Variants in PCNX1 observed in about 807,000 individuals in gnomAD.
The protein encoded by PCNX1 is pecanex 1, also known as pecanex-like protein 1.
Under a neutral mutation model 242.2 loss-of-function variants are expected in PCNX1, and 78 were observed. The ratio of observed to expected loss-of-function variants is 0.32; its 90% CI spans 0.27 to 0.39. The LOEUF (loss-of-function observed/expected upper bound fraction) is 0.39, where lower values mean the gene tolerates loss of function less well. Among genes scored for constraint, PCNX1 ranks in the 10% least tolerant of loss-of-function variants. The pLI is 1.00. For missense variants in PCNX1, 2,581 were observed against 2,856.5 expected (o/e 0.90, Z 2.20); for synonymous variants, 1,024 against 1,032.9 (o/e 0.99, Z 0.17).
chr14:71,073,481 C>T, intron 26 of PCNX1, 64 bp from the exon 27 acceptor site: 2 of 1,447,506 alleles, frequency 1.4e-6, no homozygotes, highest in East Asian at 2.3e-5. Flanking sequence ...CTTATGTGTC[C>T]TTGCATTCAT....
Position 71,028,758 on chromosome 14 carries a change from C to T in PCNX1, c.3525C>T (p.Ala1175=). Residue 1175 remains alanine, a synonymous_variant, in exon 16 of 36, where the codon GCC becomes GCT. Coordinates refer to ENST00000304743, the MANE Select transcript of PCNX1 (RefSeq NM_014982.3). ...YSFICSIVAV[A]LLYGLCYGAL... ...TTATCTGTAGCATTGTTGCAGTAGC[C>T]TTATTGTATGGATTATGTTATGGGG... 1.2e-6 allele frequency: 2 copies of T among 1,606,100 alleles called. No individual in the cohort carries two copies. The highest frequency in any genetic ancestry group is 1.1e-5 in the South Asian group (1 of 90,070).
At chr14:70,974,139 A>G (rs2058622220) in intron 5 of PCNX1, among the ~76,000 whole-genome samples, 1 of 147,110 alleles carries the variant, frequency 6.8e-6, no homozygotes, top group Admixed American at 6.8e-5. Context: ...ATTTCTTTTT[A>G]TGGCTAACTG....
intron 16 of PCNX1, among the ~76,000 whole-genome samples, chr14:71,030,306 C>CT (rs2060346949): frequency 6.6e-6 from 1 of 152,112 alleles, no homozygotes; most frequent in African/African-American, 2.4e-5. Context: ...GTGGACTGCC[C>CT]TTTATGAAAG....
At chr14:71,109,632 T>G (rs1462570596) in intron 35 of PCNX1, 40 bp downstream of exon 35, 2 of 1,611,342 alleles carry the variant, frequency 1.2e-6, no homozygotes, top group African/African-American at 2.7e-5. Context: ...GGCTCTGCCT[T>G]TTTTGAAGTC....
rs752716973 is a variant in PCNX1, at chr14:70,907,913, G to T, written c.63G>T (p.Trp21Cys). The change falls in exon 1 of 36, where the codon TGG (tryptophan) becomes TGT (cysteine). Residue 21 changes from tryptophan to cysteine, a missense_variant. Coordinates refer to ENST00000304743, the MANE Select transcript of PCNX1 (RefSeq NM_014982.3). ...TGTGGGCCGCGCTCAGCGGGGGCTG[G>T]TACTACGACCCGCACCAGGCCACCT... ...QGVWAALSGG[W>C]YYDPHQATFV... 1 of 1,588,482 alleles carries T rather than the reference G, an allele frequency of 6.3e-7. No individual in the cohort carries two copies. The highest frequency in any genetic ancestry group is 1.8e-5 in the Admixed American group (1 of 56,856).
At chr14:70,972,597 C>T (rs897990058) in intron 5 of PCNX1, among the ~76,000 whole-genome samples, 5 of 152,078 alleles carry the variant, frequency 3.3e-5, no homozygotes, top group Admixed American at 2.6e-4. Flanking sequence ...GCTTAAATAT[C>T]GTTTGGTACT....
intron 1 of PCNX1, among the ~76,000 whole-genome samples, chr14:70,941,688 G>A (rs1437791759): frequency 2.0e-5 from 3 of 152,228 alleles, no homozygotes; most frequent in Non-Finnish European, 4.4e-5. Flanking sequence ...GTCTGCAGAA[G>A]TTTCTGCTGC....
At chr14:71,058,813 C>G (rs1000697546) in intron 26 of PCNX1, among the ~76,000 whole-genome samples, 41 of 152,312 alleles carry the variant, frequency 2.7e-4, no homozygotes, top group African/African-American at 9.4e-4. Context: ...TGTTTATAAT[C>G]CATTCATATT....
chr14:70,948,440 A>G (rs190376566), intron 2 of PCNX1, among the ~76,000 whole-genome samples: 1 of 152,260 alleles, frequency 6.6e-6, no homozygotes, highest in East Asian at 1.9e-4. Flanking sequence ...TTCCCCTGAT[A>G]AATACACTAC....
rs764237142 is a variant in PCNX1 at position 71,105,261 on chromosome 14, G to A, written c.6122G>A (p.Cys2041Tyr). Residue 2041 changes from cysteine (C) to tyrosine (Y), a missense_variant, in exon 33 of 36, where the codon TGT (cysteine) becomes TAT (tyrosine). Around this residue, in one of 9 missense-constraint regions of PCNX1, gnomAD observed 432 missense variants for 433.6 expected, o/e 1.00. Transcript: ENST00000304743. ...HRLRKGCGAG[C>Y]NSGGNIEDSD... is the part of the protein sequence containing the mutation. ...CTTAGGAAAGGTTGCGGAGCTGGAT[G>A]TAACAGTGGTGGCAATATTGAAGAT... 6.2e-6 allele frequency: 10 copies of A among 1,614,022 alleles called. 1 individual carries two copies. Among genetic ancestry groups the A allele is most frequent in the Admixed American group, 5.0e-5 (3 of 60,026 alleles).
At chr14:71,108,390 T>C (rs1164797981) in intron 33 of PCNX1, among the ~76,000 whole-genome samples, 12 of 152,218 alleles carry the variant, frequency 7.9e-5, no homozygotes, top group Non-Finnish European at 1.8e-4. Context: ...TAAAAAACTT[T>C]AGCAAATAAA....
At chr14:70,995,703 T>C (rs773531463) in intron 7 of PCNX1, 38 bp from the exon 8 acceptor site, 1 of 1,574,944 alleles carries the variant, frequency 6.3e-7, no homozygotes, top group Middle Eastern at 1.8e-4. Context: ...TTCTCTTTTC[T>C]TCCCTGTAAT....
chr14:71,023,810 A>C (rs1228327543), intron 13 of PCNX1, among the ~76,000 whole-genome samples: 1 of 152,164 alleles, frequency 6.6e-6, no homozygotes, highest in Non-Finnish European at 1.5e-5. Flanking sequence ...TTCTATTTAA[A>C]GTAGTTCAAA....
chr14:71,003,080 C>CTTTTTTTTTTTTTTTTTTTTTTTTTTTTT (rs3083307), intron 8 of PCNX1, among the ~76,000 whole-genome samples: 1 of 95,476 alleles, frequency 1.0e-5, no homozygotes, highest in African/African-American at 4.7e-5. Context: ...TGGTTGTCTT[C>CTTTTTTTTTTTTTTTTTTTTTTTTTTTTT]TTTTTTTTTT....
intron 19 of PCNX1, chr14:71,044,286 G>A (rs2060796239): frequency 6.5e-6 from 1 of 152,682 alleles, no homozygotes; most frequent in South Asian, 2.1e-4. Flanking sequence ...GTTGGGTCTG[G>A]GCAGGCTGGT....
intron 28 of PCNX1, 22 bp from the exon 29 acceptor site, chr14:71,088,307 TA>T: frequency 7.3e-7 from 1 of 1,367,866 alleles, no homozygotes; most frequent in East Asian, 2.3e-5. Flanking sequence ...TTCTGATAAC[TA>T]ATGTTTTTTG....
intron 26 of PCNX1, among the ~76,000 whole-genome samples, chr14:71,058,608 A>G (rs1321801871): frequency 1.3e-5 from 2 of 152,204 alleles, no homozygotes; most frequent in African/African-American, 4.8e-5. Context: ...TAGAAAGAGA[A>G]GGAAGTCAGA....
In PCNX1 at chr14:70,916,292, C is replaced by T. The variant is rs150069151; in HGVS notation, c.153+8289C>T. ...GTAAAATTTACTTGCAAGTTATCAG[C>T]ATGTAGATCTTCTGGGAAGAAAGTT... On this transcript the variant is annotated intron_variant, in intron 1 of 35. Transcript: ENST00000304743. Among the ~76,000 whole-genome samples the T allele has an allele frequency of 7.7e-3, 1,167 of 152,204 alleles. 5 individuals carry two copies. Among genetic ancestry groups the T allele is most frequent in the Admixed American group, 0.012 (186 of 15,286 alleles).
At position 71,045,218 on chromosome 14, in the gene PCNX1, T is replaced by C. The variant is rs536425845; in HGVS notation, c.3953T>C (p.Leu1318Pro). Reference protein sequence around the residue: ...HYVLPQVRKQLPWHCFSHPLL... With the variant: ...HYVLPQVRKQPPWHCFSHPLL... ...GTGCTGCCTCAAGTTAGAAAACAGC[T>C]ACCATGGCACTGTTTCTCTCATCCT... The change falls in exon 20 of 36, where the codon CTA becomes CCA. Residue 1318 changes from leucine (L) to proline (P), a missense_variant. Transcript: ENST00000304743. 4.3e-6 allele frequency: 7 copies of C among 1,612,102 alleles called. No individual in the cohort carries two copies. Among genetic ancestry groups the C allele is most frequent in the Non-Finnish European group, 5.1e-6 (6 of 1,178,174 alleles).
Sources: allele counts gnomAD v4.1 joint callset (sites outside exome capture counted in the v4.1 genomes callset), GRCh38; gene constraint gnomAD v4.1.1; regional missense constraint gnomAD v4.1.1; transcripts MANE v1.5; gene names NCBI Gene and HGNC (gene_info 2026-07-23, HGNC 2026-07-21).